OLFML2A: variants seen among roughly 807,000 people sequenced by gnomAD.
The protein encoded by OLFML2A is olfactomedin like 2A.
OLFML2A carries 47 observed loss-of-function variants against 60.9 expected under a neutral mutation model. The observed-to-expected ratio is 0.77, with a 90% CI of 0.61 to 0.98. The LOEUF (loss-of-function observed/expected upper bound fraction) is 0.98. Among genes scored for constraint, OLFML2A ranks in the 50% least tolerant of loss-of-function variants. The pLI is 0.00. For synonymous variants in OLFML2A, 372 were observed against 375.0 expected (o/e 0.99, Z 0.09); for missense variants, 922 against 879.8 (o/e 1.05, Z -0.61).
rs936142459 is a variant in OLFML2A at position 124,811,313 on chromosome 9, G to T, written c.*901G>T. 1 of 152,574 alleles carries T rather than the reference G, an allele frequency of 6.6e-6. No individual in the cohort carries two copies. Among genetic ancestry groups the T allele is most frequent in the Non-Finnish European group, 1.5e-5 (1 of 68,068 alleles). 9.5% of individuals were successfully genotyped at this position (152,574 alleles called of 1,614,324 possible). ...GCGTTGTTCACATAGTCAGGCCTTGGGTCCCCTCCCTGGTTCATCCCAGAG... is the reference window on the plus strand; with the variant it reads ...GCGTTGTTCACATAGTCAGGCCTTGTGTCCCCTCCCTGGTTCATCCCAGAG... On this transcript the variant is annotated 3_prime_UTR_variant, in exon 8 of 8. Transcript: ENST00000373580.
intron 6 of OLFML2A, among the ~76,000 whole-genome samples, chr9:124,804,709 A>G (rs1223534052): frequency 6.6e-6 from 1 of 151,458 alleles, no homozygotes; most frequent in Non-Finnish European, 1.5e-5. Context: ...GGGCGAAAGA[A>G]ATTTTTTTTT....
At chr9:124,783,892 G>C (rs1841408202) in intron 1 of OLFML2A, among the ~76,000 whole-genome samples, 1 of 152,218 alleles carries the variant, frequency 6.6e-6, no homozygotes, top group South Asian at 2.1e-4. Context: ...CAAGTCACTA[G>C]ATGAAGGGAT....
rs750733365 is a variant in OLFML2A, at chr9:124,784,943, GTTTTTTTT to G, written c.91-2011_91-2004del. Among the ~76,000 whole-genome samples, 87 of 69,590 alleles carry G rather than the reference GTTTTTTTT, an allele frequency of 1.3e-3. 1 individual carries two copies. The highest frequency in any genetic ancestry group is 5.0e-3 in the African/African-American group (77 of 15,450). 45.7% of individuals were successfully genotyped at this position (69,590 alleles called of 152,430 possible). On this transcript the variant is annotated intron_variant, in intron 1 of 7. Transcript: ENST00000373580. ...AATCAGTACTGCATTCCTTTTACTT[GTTTTTTTT>G]TTTTTTTTTTTTTTTTTTTTGAGAC...
At position 124,811,716 on chromosome 9, in the gene OLFML2A, G is replaced by C. The variant is rs1842026019; in HGVS notation, c.*1304G>C. 6.6e-6 allele frequency: 1 copy of C among 152,226 alleles called. No individual in the cohort carries two copies. The highest frequency in any genetic ancestry group is 2.4e-5 in the African/African-American group (1 of 41,454). The allele number at this position is 152,226 out of a possible 1,614,324, so 9.4% of individuals were successfully genotyped here. A position where few individuals can be genotyped will look rare whatever the true frequency, so the allele number is the denominator to read the frequency against. ...ATGCACGGGGGCCACCTTGCCCGGG[G>C]CCACTGGTGGCTCCCCAGAGCCTCA... is the stretch of plus-strand genomic sequence containing the variant. On this transcript the variant is annotated 3_prime_UTR_variant, in exon 8 of 8. Transcript: ENST00000373580.
intron 6 of OLFML2A, among the ~76,000 whole-genome samples, chr9:124,805,703 G>A (rs1212748462): frequency 1.3e-5 from 2 of 151,084 alleles, no homozygotes; most frequent in South Asian, 2.1e-4. Context: ...AAATATCAGA[G>A]ATCACCACTA....
At chr9:124,787,315 A>C in intron 2 of OLFML2A, 77 bp downstream of exon 2, 1 of 1,407,370 alleles carries the variant, frequency 7.1e-7, no homozygotes, top group African/African-American at 1.4e-5. Flanking sequence ...TGAAAATTCC[A>C]CACACTCTGT....
At position 124,783,233 on chromosome 9, in the gene OLFML2A, C is replaced by T. The variant is rs142982740; in HGVS notation, c.91-3742C>T. On this transcript the variant is annotated intron_variant, in intron 1 of 7. Transcript: ENST00000373580. ...ACGCCTGTAATCCCAGCTTTTTGGG[C>T]GGCCAAGGTGGGAGGATCACTTGAG... is the stretch of plus-strand genomic sequence containing the variant. Among the ~76,000 whole-genome samples, 144 of 152,088 alleles carry T rather than the reference C, an allele frequency of 9.5e-4. 2 individuals are homozygous for T. In the East Asian group the frequency reaches 0.026, roughly 28 times the overall value.
intron 6 of OLFML2A, among the ~76,000 whole-genome samples, chr9:124,805,230 C>T (rs35698946): frequency 6.6e-6 from 1 of 152,090 alleles, no homozygotes; most frequent in Non-Finnish European, 1.5e-5. Context: ...TCCTTCAAAC[C>T]CTGTCCTGCT....
In OLFML2A at chr9:124,809,860, C is replaced by T. The variant is rs1236669079; in HGVS notation, c.1407C>T (p.His469=). 11 of 1,614,024 alleles carry T rather than the reference C, an allele frequency of 6.8e-6. No individual in the cohort carries two copies. The highest frequency in any genetic ancestry group is 7.6e-6 in the Non-Finnish European group (9 of 1,179,946). Residue 469 remains histidine, a synonymous_variant, in exon 8 of 8, where the codon CAC becomes CAT. Coordinates refer to ENST00000373580, the MANE Select transcript of OLFML2A (RefSeq NM_182487.4). ...CCTACAACTGGATCGGCACAGGCCA[C>T]GTGGTGTACCAGGGCGCCTTCTACT... is the stretch of plus-strand genomic sequence containing the variant. ...KLPYNWIGTG[H]VVYQGAFYYN... is the part of the protein sequence containing the mutation.
Position 124,777,391 on chromosome 9 carries a change from G to T in OLFML2A, c.90+31G>T. On this transcript the variant is annotated intron_variant, in intron 1 of 7. Transcript: ENST00000373580. This position sits in a 1 kb window ranked among gnomAD's most constrained non-coding sequence, Gnocchi z 6.2. ...CACGCCCCTCGGACCCGCGCGGCTC[G>T]GCGGGTAGCGGGGCGCGAGGGGGCG... The T allele has an allele frequency of 8.1e-7, 1 of 1,229,800 alleles. No homozygotes were observed. The highest frequency in any genetic ancestry group is 3.6e-5 in the South Asian group (1 of 27,714). The allele number at this position is 1,229,800 out of a possible 1,614,324, so 76.2% of individuals were successfully genotyped here. A position where few individuals can be genotyped will look rare whatever the true frequency, so the allele number is the denominator to read the frequency against.
intron 1 of OLFML2A, among the ~76,000 whole-genome samples, chr9:124,785,039 G>T (rs1298192446): frequency 7.7e-6 from 1 of 129,822 alleles, no homozygotes; most frequent in African/African-American, 2.9e-5. Context: ...CTGCAGGCTT[G>T]ACCTCCCAGG....
In OLFML2A at chr9:124,777,229, C is replaced by T; in HGVS notation, c.-42C>T. The T allele has an allele frequency of 1.3e-6, 1 of 795,098 alleles. No individual in the cohort carries two copies. Among genetic ancestry groups the T allele is most frequent in the Non-Finnish European group, 1.7e-6 (1 of 595,488 alleles). 49.3% of individuals were successfully genotyped at this position (795,098 alleles called of 1,614,324 possible). On this transcript the variant is annotated 5_prime_UTR_variant, in exon 1 of 8. Coordinates refer to ENST00000373580, the MANE Select transcript of OLFML2A (RefSeq NM_182487.4). This position sits in a 1 kb window ranked among gnomAD's most constrained non-coding sequence, Gnocchi z 6.2. ...TCGCAGTGCAGCCCGCGCTTCCCAG[C>T]GTCCGTGCCCGGCCGCCTGTGCCTA...
Position 124,813,415 on chromosome 9 carries a change from C to T in OLFML2A, c.*3003C>T, listed in dbSNP as rs1842058596. 2 of 152,238 alleles carry T rather than the reference C, an allele frequency of 1.3e-5. No individual in the cohort carries two copies. Among genetic ancestry groups the T allele is most frequent in the African/African-American group, 2.4e-5 (1 of 41,462 alleles). 9.4% of individuals were successfully genotyped at this position (152,238 alleles called of 1,614,324 possible). A position where few individuals can be genotyped will look rare whatever the true frequency, so the allele number is the denominator to read the frequency against. ...TGCCACGGGCGTATCCTTGCAGCCT[C>T]ACAACAGTGGGAGGTCTGTATCCTG... On this transcript the variant is annotated 3_prime_UTR_variant, in exon 8 of 8. Transcript: ENST00000373580.
chr9:124,804,255 A>ACCACAACCACCG lies in OLFML2A; in HGVS notation c.1085_1086insAACCACCGCCAC (p.Ala365_Thr368dup). 6.3e-7 allele frequency: 1 copy of ACCACAACCACCG among 1,599,720 alleles called. No individual in the cohort carries two copies. Among genetic ancestry groups the ACCACAACCACCG allele is most frequent in the Non-Finnish European group, 8.5e-7 (1 of 1,172,260 alleles). Reference sequence around the variant, plus strand: ...TGGCACCCCCACTTCAATCCCTGCCACCACCACCACCGCCACCACCACCCC... The same window carrying ACCACAACCACCG: ...TGGCACCCCCACTTCAATCCCTGCCACCACAACCACCGCCACCACCACCGCCACCACCACCCC... On this transcript the variant is annotated inframe_insertion, in exon 6 of 8. Transcript: ENST00000373580.
chr9:124,793,003 C>G (rs996987088), intron 2 of OLFML2A, among the ~76,000 whole-genome samples: 1 of 152,232 alleles, frequency 6.6e-6, no homozygotes, highest in African/African-American at 2.4e-5. Flanking sequence ...CTCCCGCCCC[C>G]GTCTCTGTTT....
At position 124,807,089 on chromosome 9, in the gene OLFML2A, A is replaced by ATTTT. The variant is rs151131740; in HGVS notation, c.1169-680_1169-677dup. 2.0e-4 allele frequency among the ~76,000 whole-genome samples: 29 copies of ATTTT among 142,498 alleles called. No individual in the cohort carries two copies. The East Asian group carries it at 2.4e-3, about 12-fold the overall frequency. The allele number at this position is 142,498 out of a possible 152,430, so 93.5% of individuals were successfully genotyped here. On this transcript the variant is annotated intron_variant, in intron 6 of 7. Coordinates refer to ENST00000373580, the MANE Select transcript of OLFML2A (RefSeq NM_182487.4). ...CCACTATGCTCAGCTAATTAAAAAA[A>ATTTT]TTTTTTTTTTTTTTTGTAGAGAGAA...
intron 2 of OLFML2A, among the ~76,000 whole-genome samples, chr9:124,793,593 G>T (rs1272085829): frequency 1.3e-5 from 2 of 152,206 alleles, no homozygotes; most frequent in African/African-American, 2.4e-5. Flanking sequence ...CAGCTGGGTG[G>T]CCTTGGGCAA....
At position 124,795,533 on chromosome 9, in the gene OLFML2A, C is replaced by A. The variant is rs143876652; in HGVS notation, c.462+402C>A. ...GTGCCTCACACCTGTAATCCCAGCA[C>A]TTTGGGAGGCCGAGGCAGGCGGATC... On this transcript the variant is annotated intron_variant, in intron 3 of 7. Coordinates refer to ENST00000373580, the MANE Select transcript of OLFML2A (RefSeq NM_182487.4). Among the ~76,000 whole-genome samples the A allele has an allele frequency of 3.3e-3, 504 of 152,334 alleles. 2 individuals are homozygous for A. Among genetic ancestry groups the A allele is most frequent in the African/African-American group, 0.011 (461 of 41,572 alleles).
chr9:124,808,882 G>A (rs371052355), intron 7 of OLFML2A, among the ~76,000 whole-genome samples: 10 of 152,114 alleles, frequency 6.6e-5, no homozygotes, highest in Middle Eastern at 3.4e-3. Context: ...CAGGCCGGGC[G>A]TGGTGGCTCA....
Sources: gnomAD v4.1 joint callset for allele counts (sites outside exome capture counted in the v4.1 genomes callset) on GRCh38, gnomAD v4.1.1 for gene constraint, Gnocchi (gnomAD v3.1) non-coding constraint, MANE v1.5 for transcripts, NCBI Gene and HGNC (gene_info 2026-07-23, HGNC 2026-07-21) for gene names.